NLRP13: variants seen among roughly 807,000 people sequenced by gnomAD.
The protein encoded by NLRP13 is NLR family pyrin domain containing 13.
A neutral mutation model predicts 94.4 loss-of-function variants in NLRP13; 82 were observed. That is an observed-to-expected ratio of 0.87 (90% CI 0.73 to 1.04). NLRP13 has a LOEUF of 1.04. NLRP13 is among the 50% of genes least tolerant of loss of function. The pLI is 0.00. For synonymous variants in NLRP13, 553 were observed against 464.7 expected (o/e 1.19, Z -2.45); for missense variants, 1,426 against 1,230.8 (o/e 1.16, Z -2.37).
chr19:55,899,078 G>A (rs2123103653), intron 9 of NLRP13, 141 bp from the exon 10 acceptor site: 4 of 871,896 alleles, frequency 4.6e-6, no homozygotes, highest in African/African-American at 1.7e-5. Flanking sequence ...GGAGGAGGGT[G>A]CGAGTCAGGA....
At chr19:55,919,126 GAT>G (rs1986747051) in intron 4 of NLRP13, among the ~76,000 whole-genome samples, 1 of 152,056 alleles carries the variant, frequency 6.6e-6, no homozygotes, top group Non-Finnish European at 1.5e-5. Flanking sequence ...AAAACTATAT[GAT>G]CATCTCTACA....
At chr19:55,895,156 C>T (rs533006200), downstream of NLRP13, among the ~76,000 whole-genome samples, 8 of 146,700 alleles carry the variant, frequency 5.5e-5, no homozygotes, top group Admixed American at 3.5e-4. Context: ...CTTTGGGAGG[C>T]GGGCCAACAT....
chr19:55,920,621 G>T (rs1986795393), intron 4 of NLRP13, among the ~76,000 whole-genome samples: 1 of 152,108 alleles, frequency 6.6e-6, no homozygotes, highest in Non-Finnish European at 1.5e-5. Context: ...TGTTGGCAAG[G>T]ATTCAGAAAA....
chr19:55,931,359 G>A (rs1987128324), intron 1 of NLRP13, among the ~76,000 whole-genome samples: 1 of 152,032 alleles, frequency 6.6e-6, no homozygotes, highest in Non-Finnish European at 1.5e-5. Flanking sequence ...TGAAATCTGT[G>A]CTGCACTCAA....
chr19:55,892,162 A>G (rs1018105080), downstream of NLRP13: 55 of 1,227,958 alleles, frequency 4.5e-5, no homozygotes, highest in Non-Finnish European at 5.6e-5. Context: ...GCAGTGAAGA[A>G]GTTTAGAAGT....
rs1986199515 is a variant in NLRP13 at position 55,902,126 on chromosome 19, G to C, written c.2698C>G (p.Leu900Val). The C allele has an allele frequency of 1.5e-5, 25 of 1,614,134 alleles. No individual in the cohort carries two copies. The highest frequency in any genetic ancestry group is 2.1e-5 in the Non-Finnish European group (25 of 1,180,020). Residue 900 changes from leucine to valine, a missense_variant, in exon 9 of 11, where the codon CTG (leucine) becomes GTG (valine). By Grantham distance (32) the Leu-to-Val change is conservative. Coordinates refer to ENST00000342929, the MANE Select transcript of NLRP13 (RefSeq NM_176810.2). ...ALLQNRSLTH[L>V]NLSKNSLRDE... ...CTCAGGCTGTTCTTGCTCAGATTCA[G>C]GTGTGTCAGGCTCCTGTTCTGCAGG... is the stretch of plus-strand genomic sequence containing the variant.
chr19:55,901,336 A>G (rs370723266), intron 9 of NLRP13, among the ~76,000 whole-genome samples: 1 of 152,182 alleles, frequency 6.6e-6, no homozygotes, highest in East Asian at 1.9e-4. Context: ...GTCGGACCAC[A>G]CAATCTCAAC....
intron 9 of NLRP13, among the ~76,000 whole-genome samples, 197 bp from the exon 10 acceptor site, chr19:55,899,134 C>T (rs777724592): frequency 2.0e-5 from 3 of 151,784 alleles, no homozygotes; most frequent in Non-Finnish European, 2.9e-5. Context: ...GATAGAAAGC[C>T]GAGGGCACAG....
At chr19:55,931,870 T>C (rs1987155169) in intron 1 of NLRP13, 123 bp downstream of exon 1, 4 of 800,156 alleles carry the variant, frequency 5.0e-6, no homozygotes, top group Non-Finnish European at 8.1e-6. Context: ...TGTCATAGAT[T>C]ATCAAGGAGG....
intron 5 of NLRP13, 36 bp from the exon 6 acceptor site, chr19:55,910,769 A>T: frequency 6.5e-7 from 1 of 1,539,284 alleles, no homozygotes; most frequent in Non-Finnish European, 8.9e-7. Flanking sequence ...GATAAGAGCA[A>T]ATTAGCCTCA....
chr19:55,924,014 C>T lies in NLRP13; in HGVS notation c.458-35G>A, dbSNP rs200133793. On this transcript the variant is annotated intron_variant, in intron 3 of 10. Transcript: ENST00000342929. ...ACAGTGATGATGAGATATGAAAATA[C>T]CCCAGACTGAAAATGGGCCACAATG... 34 of 1,546,986 alleles carry T rather than the reference C, an allele frequency of 2.2e-5. No homozygotes were observed. In the East Asian group the frequency reaches 3.8e-4, roughly 17 times the overall value.
chr19:55,902,883 G>C (rs982485694), intron 8 of NLRP13, among the ~76,000 whole-genome samples: 18 of 143,048 alleles, frequency 1.3e-4, no homozygotes, highest in Non-Finnish European at 2.0e-4. Context: ...AATATATAAT[G>C]AAATATATGT....
chr19:55,925,517 G>C (rs1451014242), intron 1 of NLRP13, among the ~76,000 whole-genome samples: 1 of 152,174 alleles, frequency 6.6e-6, no homozygotes, highest in Non-Finnish European at 1.5e-5. Context: ...TTCATCCCAA[G>C]TGTGTAGAAC....
intron 4 of NLRP13, among the ~76,000 whole-genome samples, chr19:55,918,036 T>C (rs529875393): frequency 6.6e-6 from 1 of 152,110 alleles, no homozygotes; most frequent in South Asian, 2.1e-4. Flanking sequence ...AATAAATTTT[T>C]TAAAAATGGA....
In NLRP13 at chr19:55,923,165, A is replaced by G. The variant is rs10411869; in HGVS notation, c.523+749T>C. 2.4e-3 allele frequency among the ~76,000 whole-genome samples: 370 copies of G among 152,370 alleles called. 3 individuals carry two copies. Among genetic ancestry groups the G allele is most frequent in the African/African-American group, 8.6e-3 (358 of 41,584 alleles). On this transcript the variant is annotated intron_variant, in intron 4 of 10. Transcript: ENST00000342929. ...ATTCACCTGTTAAAAGGTAATCTCAATATCAGTTATTTAACAAAAGCACCA... is the reference window on the plus strand; with the variant it reads ...ATTCACCTGTTAAAAGGTAATCTCAGTATCAGTTATTTAACAAAAGCACCA...
At position 55,896,070 on chromosome 19, in the gene NLRP13, CAG is replaced by C. The variant is rs758821432; in HGVS notation, c.3005_3006del (p.Ser1002CysfsTer6). On this transcript the variant is annotated frameshift_variant, in exon 11 of 11. Transcript: ENST00000342929. LOFTEE classifies it low-confidence loss of function (END_TRUNC). ...ACCAGGCTCTTACTGCTGCTGAGAA[CAG>C]AGAAGAGATGCTGGCAGCAAGCAGT... ...LTTACCQHLF[S>X]VLSSSKSLVN... The C allele has an allele frequency of 6.2e-7, 1 of 1,614,038 alleles. No homozygotes were observed. The highest frequency in any genetic ancestry group is 8.5e-7 in the Non-Finnish European group (1 of 1,180,020).
intron 6 of NLRP13, among the ~76,000 whole-genome samples, 164 bp from the exon 7 acceptor site, chr19:55,908,120 A>G (rs1020052249): frequency 3.3e-5 from 5 of 152,110 alleles, no homozygotes; most frequent in African/African-American, 9.7e-5. Flanking sequence ...GACCTTGAAA[A>G]TAAAAACTAA....
rs1171946395 is a variant in NLRP13 at position 55,924,979 on chromosome 19, C to T, written c.376G>A (p.Glu126Lys). Residue 126 changes from glutamate to lysine, a missense_variant, in exon 2 of 11, where the codon GAA becomes AAA. Coordinates refer to ENST00000342929, the MANE Select transcript of NLRP13 (RefSeq NM_176810.2). ...DPTQEDLEML[E>K]AAAGNMQTQG... is the part of the protein sequence containing the mutation. ...GTAGTGTACACACCTGCTGCTGCTTCTAGCATCTCTAGATCTTCCTGGGTT... is the reference window on the plus strand; with the variant it reads ...GTAGTGTACACACCTGCTGCTGCTTTTAGCATCTCTAGATCTTCCTGGGTT... The T allele has an allele frequency of 6.2e-7, 1 of 1,614,006 alleles. No individual in the cohort carries two copies. The highest frequency in any genetic ancestry group is 1.7e-5 in the Admixed American group (1 of 60,002).
At position 55,897,582 on chromosome 19, in the gene NLRP13, T is replaced by G. The variant is rs561304348; in HGVS notation, c.2957+1188A>C. On this transcript the variant is annotated intron_variant, in intron 10 of 10. Coordinates refer to ENST00000342929, the MANE Select transcript of NLRP13 (RefSeq NM_176810.2). ...GAGTCTCTCTAAGGAAATAGTTCAGTAAGTTGCTTCGTTAACTGATTTTTT... is the reference window on the plus strand; with the variant it reads ...GAGTCTCTCTAAGGAAATAGTTCAGGAAGTTGCTTCGTTAACTGATTTTTT... 8.4e-4 allele frequency among the ~76,000 whole-genome samples: 128 copies of G among 152,320 alleles called. No individual in the cohort carries two copies. In the South Asian group the frequency reaches 0.016, roughly 19 times the overall value.
Sources: gnomAD v4.1 joint callset for allele counts (sites outside exome capture counted in the v4.1 genomes callset) on GRCh38, gnomAD v4.1.1 for gene constraint, MANE v1.5 for transcripts, NCBI Gene and HGNC (gene_info 2026-07-23, HGNC 2026-07-21) for gene names.